The following B3GALT1 variants were observed in gnomAD, a reference collection of about 807,000 sequenced individuals.
B3GALT1 encodes the protein beta-1,3-galactosyltransferase 1.
In B3GALT1, 10 loss-of-function variants were observed where a neutral mutation model predicts 23.2. The observed-to-expected ratio is 0.43, with a 90% confidence interval of 0.27 to 0.73. B3GALT1 has a LOEUF of 0.73. Among genes scored for constraint, B3GALT1 ranks in the 30% least tolerant of loss-of-function variants. B3GALT1 has a pLI of 0.21. For synonymous variants in B3GALT1, 156 were observed against 141.5 expected, an observed-to-expected ratio of 1.10 and a Z score of -0.73; for missense variants, 299 against 405.4, an observed-to-expected ratio of 0.74 and a Z score of 2.25.
intron 4 of B3GALT1, among the ~76,000 whole-genome samples, chr2:167,854,466 T>A (rs897771134): frequency 2.0e-5 from 3 of 152,194 alleles, no homozygotes; most frequent in Non-Finnish European, 4.4e-5. Context: ...TTCTATTGCC[T>A]TTACTCACAA....
At chr2:167,728,918 A>G (rs1190502812) in intron 3 of B3GALT1, among the ~76,000 whole-genome samples, 1 of 152,212 alleles carries the variant, frequency 6.6e-6, no homozygotes, top group Non-Finnish European at 1.5e-5. Context: ...GATACCCTGG[A>G]TTAATACACA....
chr2:167,808,675 C>A (rs1688813421), intron 3 of B3GALT1, among the ~76,000 whole-genome samples: 1 of 151,518 alleles, frequency 6.6e-6, no homozygotes, highest in Non-Finnish European at 1.5e-5. Flanking sequence ...ATGGGCTTCC[C>A]TTTGTGGGTA....
chr2:167,433,348 A>T (rs1419805400), intron 1 of B3GALT1, among the ~76,000 whole-genome samples: 2 of 152,196 alleles, frequency 1.3e-5, no homozygotes, highest in African/African-American at 4.8e-5. Flanking sequence ...ACTGAAGAAC[A>T]TCTTAGTTGC....
At chr2:167,554,923 A>G (rs1181754181) in intron 2 of B3GALT1, among the ~76,000 whole-genome samples, 3 of 152,208 alleles carry the variant, frequency 2.0e-5, no homozygotes, top group African/African-American at 7.2e-5. Flanking sequence ...AAAACATGTT[A>G]ATTAATCATA....
intron 2 of B3GALT1, among the ~76,000 whole-genome samples, chr2:167,599,321 T>TA (rs1684833968): frequency 6.6e-6 from 1 of 152,136 alleles, no homozygotes; most frequent in African/African-American, 2.4e-5. Flanking sequence ...TAATAGAAGA[T>TA]AAAAAAGAAG....
intron 3 of B3GALT1, among the ~76,000 whole-genome samples, chr2:167,751,698 T>C (rs1687741774): frequency 6.6e-6 from 1 of 152,100 alleles, no homozygotes; most frequent in Admixed American, 6.6e-5. Context: ...GGGTGAGACA[T>C]TCAGAAAAAT....
At chr2:167,346,445 A>G (rs527870402) in intron 1 of B3GALT1, among the ~76,000 whole-genome samples, 1 of 152,326 alleles carries the variant, frequency 6.6e-6, no homozygotes, top group South Asian at 2.1e-4. Flanking sequence ...ATCACCTAAT[A>G]CCAACTTGCA....
At chr2:167,403,674 G>A (rs761931262) in intron 1 of B3GALT1, among the ~76,000 whole-genome samples, 3 of 152,024 alleles carry the variant, frequency 2.0e-5, no homozygotes, top group Non-Finnish European at 1.5e-5. Flanking sequence ...GCACTGATAT[G>A]GCTAGACTGG....
At chr2:167,634,787 G>T (rs139294355) in intron 2 of B3GALT1, among the ~76,000 whole-genome samples, 220 of 152,210 alleles carry the variant, frequency 1.4e-3, no homozygotes, top group African/African-American at 4.6e-3. Context: ...AGAGGAGCTG[G>T]TACCATTCCT....
chr2:167,577,982 T>G (rs1272002346), intron 2 of B3GALT1, among the ~76,000 whole-genome samples: 3 of 152,000 alleles, frequency 2.0e-5, no homozygotes, highest in Non-Finnish European at 4.4e-5. Context: ...TTGAGTATAT[T>G]AAAATCTTGC....
chr2:167,645,715 G>A (rs1486196233), intron 2 of B3GALT1, among the ~76,000 whole-genome samples: 6 of 151,820 alleles, frequency 4.0e-5, no homozygotes, highest in Admixed American at 3.9e-4. Context: ...TTACAGGCAT[G>A]AGCCACCATG....
intron 2 of B3GALT1, among the ~76,000 whole-genome samples, chr2:167,593,248 C>T (rs912818297): frequency 6.6e-6 from 1 of 152,038 alleles, no homozygotes; most frequent in Non-Finnish European, 1.5e-5. Context: ...ATATACTGTA[C>T]TCATGTGATA....
intron 2 of B3GALT1, among the ~76,000 whole-genome samples, chr2:167,567,346 T>C (rs183884879): frequency 6.6e-6 from 1 of 152,338 alleles, no homozygotes; most frequent in African/African-American, 2.4e-5. Flanking sequence ...AGTTGTCTTT[T>C]ATTATGCATG....
chr2:167,343,966 CG>C (rs1386357445), intron 1 of B3GALT1, among the ~76,000 whole-genome samples: 1 of 152,112 alleles, frequency 6.6e-6, no homozygotes, highest in East Asian at 1.9e-4. Context: ...AGCTGGATCA[CG>C]GTTTAAAACC....
At chr2:167,636,535 C>T (rs527610163) in intron 2 of B3GALT1, among the ~76,000 whole-genome samples, 1 of 152,002 alleles carries the variant, frequency 6.6e-6, no homozygotes, top group South Asian at 2.1e-4. Flanking sequence ...CACATGCACA[C>T]ATATGTTTAT....
At chr2:167,496,946 C>A (rs952042875) in intron 2 of B3GALT1, among the ~76,000 whole-genome samples, 6 of 152,050 alleles carry the variant, frequency 3.9e-5, no homozygotes, top group Admixed American at 1.3e-4. Context: ...TTTCTCCTTG[C>A]GATAGTTAAA....
intron 4 of B3GALT1, among the ~76,000 whole-genome samples, chr2:167,867,211 C>T (rs556984814): frequency 1.1e-4 from 17 of 152,190 alleles, no homozygotes; most frequent in African/African-American, 2.2e-4. Flanking sequence ...CAGGCGTGAG[C>T]CACCGCGCCC....
intron 2 of B3GALT1, among the ~76,000 whole-genome samples, chr2:167,584,742 T>A (rs1468691421): frequency 6.6e-6 from 1 of 152,124 alleles, no homozygotes; most frequent in Non-Finnish European, 1.5e-5. Flanking sequence ...GGAAAACACT[T>A]TTCTACCCGG....
chr2:167,373,882 G>A (rs912896366), intron 1 of B3GALT1, among the ~76,000 whole-genome samples: 2 of 152,032 alleles, frequency 1.3e-5, no homozygotes, highest in African/African-American at 4.8e-5. Context: ...TATAGATTCA[G>A]GGGGTACATG....
Sources: gnomAD v4.1 joint callset for allele counts (sites outside exome capture counted in the v4.1 genomes callset) on GRCh38, gnomAD v4.1.1 for gene constraint, MANE v1.5 for transcripts, NCBI Gene and HGNC (gene_info 2026-07-23, HGNC 2026-07-21) for gene names.